The following RANBP2 variants were observed in gnomAD, a reference collection of about 807,000 sequenced individuals.
RANBP2 encodes RAN binding protein 2.
In RANBP2, 57 loss-of-function variants were observed where a neutral mutation model predicts 303.6. The ratio of observed to expected loss-of-function variants is 0.19; its 90% CI spans 0.15 to 0.23. RANBP2 has a LOEUF of 0.23. Among genes scored for constraint, RANBP2 ranks in the 10% least tolerant of loss-of-function variants. The pLI is 1.00. For synonymous variants in RANBP2, 1,167 were observed against 1,301.5 expected, an observed-to-expected ratio of 0.90 and a Z score of 2.23; for missense variants, 3,138 against 3,780.8, an observed-to-expected ratio of 0.83 and a Z score of 4.46.
At position 108,775,857 on chromosome 2, in the gene RANBP2, A is replaced by G. The variant is rs1423577267; in HGVS notation, c.8418A>G (p.Pro2806=). ...PDSITKSISS[P]SVSSETMDKP... is the part of the protein sequence containing the mutation. ...CTATTACCAAATCCATTAGTTCACC[A>G]TCTGTTTCCTCTGAAACTATGGACA... The change falls in exon 24 of 29, where the codon CCA becomes CCG. Residue 2806 remains proline (P), a synonymous_variant. Coordinates refer to ENST00000283195, the MANE Select transcript of RANBP2 (RefSeq NM_006267.5). The G allele has an allele frequency of 5.6e-6, 9 of 1,613,666 alleles. No homozygotes were observed. The South Asian group carries it at 9.9e-5, about 18-fold the overall frequency.
At chr2:109,567,691 A>G in the RANBP2 span, 1 of 1,009,004 alleles carries the variant, frequency 9.9e-7, no homozygotes, top group Admixed American at 2.8e-5. Context: ...ACTTTTTGAA[A>G]ATTCACCTTG....
chr2:109,014,193 C>A, the RANBP2 span, among the ~76,000 whole-genome samples: 1 of 152,180 alleles, frequency 6.6e-6, no homozygotes, highest in Non-Finnish European at 1.5e-5. Context: ...AAGAGACAGG[C>A]TTTCTTTCAG....
At chr2:109,394,832 T>C in the RANBP2 span, among the ~76,000 whole-genome samples, 1 of 152,166 alleles carries the variant, frequency 6.6e-6, no homozygotes, top group South Asian at 2.1e-4. Context: ...CCCTGCAGCA[T>C]GGAGGCCTGT....
the RANBP2 span, among the ~76,000 whole-genome samples, chr2:109,338,393 C>T: frequency 2.0e-5 from 3 of 151,978 alleles, no homozygotes; most frequent in African/African-American, 4.8e-5. Flanking sequence ...TAACACAGGC[C>T]TCCTTCCTTT....
At chr2:109,419,816 A>G in the RANBP2 span, among the ~76,000 whole-genome samples, 1 of 152,252 alleles carries the variant, frequency 6.6e-6, no homozygotes, top group Non-Finnish European at 1.5e-5. Flanking sequence ...ACAAAAGTCT[A>G]GCGGTTCCTT....
the RANBP2 span, among the ~76,000 whole-genome samples, chr2:109,353,806 C>T: frequency 6.6e-6 from 1 of 152,160 alleles, no homozygotes; most frequent in Non-Finnish European, 1.5e-5. Context: ...TGTCCGTGTG[C>T]AGTGGGAGCT....
the RANBP2 span, among the ~76,000 whole-genome samples, chr2:108,832,640 A>G: frequency 6.6e-6 from 1 of 152,154 alleles, no homozygotes; most frequent in Non-Finnish European, 1.5e-5. Flanking sequence ...AGGGACCACA[A>G]TTTGAGAACC....
chr2:108,874,173 A>G, the RANBP2 span, among the ~76,000 whole-genome samples: 1 of 152,226 alleles, frequency 6.6e-6, no homozygotes, highest in South Asian at 2.1e-4. Context: ...ATAAAAAGAT[A>G]AAAGTATTTT....
At chr2:109,098,348 C>G in the RANBP2 span, among the ~76,000 whole-genome samples, 2 of 152,214 alleles carry the variant, frequency 1.3e-5, no homozygotes, top group Non-Finnish European at 2.9e-5. Flanking sequence ...AAGTTGTTAT[C>G]TGACCCTCCA....
rs565614801 is a variant in RANBP2, at chr2:108,752,951, A to T, written c.1756-47A>T. 11 of 1,606,384 alleles carry T rather than the reference A, an allele frequency of 6.8e-6. No homozygotes were observed. The African/African-American group carries it at 1.1e-4, about 16-fold the overall frequency. The stretch of plus-strand genomic sequence containing the variant: ...AACTTGTAAATGAACTTTAGATCTA[A>T]TCATGCGTGTTCCTTAAAGTTGTGT... On this transcript the variant is annotated intron_variant, in intron 12 of 28. Transcript: ENST00000283195.
chr2:109,371,245 C>A, the RANBP2 span, among the ~76,000 whole-genome samples: 2 of 152,238 alleles, frequency 1.3e-5, no homozygotes, highest in Non-Finnish European at 2.9e-5. Context: ...CAAAAATTAG[C>A]TGGGTGTGGT....
chr2:109,082,440 A>G, the RANBP2 span, among the ~76,000 whole-genome samples: 83 of 152,066 alleles, frequency 5.5e-4, 2 homozygotes, highest in South Asian at 0.014. Flanking sequence ...AGCTGGGACT[A>G]CAGGTGCATG....
At chr2:109,188,472 CT>C in the RANBP2 span, among the ~76,000 whole-genome samples, 2 of 152,322 alleles carry the variant, frequency 1.3e-5, no homozygotes, top group African/African-American at 4.8e-5. Flanking sequence ...TTGTTTCCCC[CT>C]GGGGTTTGTG....
chr2:109,626,188 C>A, the RANBP2 span, among the ~76,000 whole-genome samples: 1 of 152,036 alleles, frequency 6.6e-6, no homozygotes, highest in South Asian at 2.1e-4. Context: ...ATCCAAATGC[C>A]CCTGAGAAGG....
chr2:109,201,212 T>G, the RANBP2 span, among the ~76,000 whole-genome samples: 1 of 152,240 alleles, frequency 6.6e-6, no homozygotes, highest in African/African-American at 2.4e-5. Context: ...GATGCTTTAG[T>G]TTTGCCTCTT....
chr2:109,257,143 A>T, the RANBP2 span, among the ~76,000 whole-genome samples: 1 of 152,214 alleles, frequency 6.6e-6, no homozygotes, highest in African/African-American at 2.4e-5. Context: ...TGCAGCCGAC[A>T]TTCACTCAGC....
the RANBP2 span, among the ~76,000 whole-genome samples, chr2:109,355,976 G>C: frequency 6.6e-6 from 1 of 152,096 alleles, no homozygotes; most frequent in Admixed American, 6.6e-5. Flanking sequence ...TCCTGCATTG[G>C]GGGTGGAGAA....
chr2:108,785,989 T>C (rs1008943054), downstream of RANBP2, among the ~76,000 whole-genome samples: 1 of 152,158 alleles, frequency 6.6e-6, no homozygotes, highest in African/African-American at 2.4e-5. Flanking sequence ...ATTACACCAC[T>C]GTAATTTTAT....
the RANBP2 span, among the ~76,000 whole-genome samples, chr2:109,372,900 T>C: frequency 6.6e-6 from 1 of 152,328 alleles, no homozygotes; most frequent in African/African-American, 2.4e-5. Flanking sequence ...AAGATGTTTG[T>C]TTAAAACATC....
Sources: gnomAD v4.1 joint callset for allele counts (sites outside exome capture counted in the v4.1 genomes callset) on GRCh38, gnomAD v4.1.1 for gene constraint, MANE v1.5 for transcripts, NCBI Gene and HGNC (gene_info 2026-07-23, HGNC 2026-07-21) for gene names.